The following NKAIN2 variants were observed in gnomAD, a reference collection of about 807,000 sequenced individuals.
NKAIN2 encodes sodium/potassium transporting ATPase interacting 2, also known as sodium/potassium-transporting ATPase subunit beta-1-interacting protein 2.
A neutral mutation model predicts 32.6 loss-of-function variants in NKAIN2; 14 were observed. The ratio of observed to expected loss-of-function variants is 0.43; its 90% CI spans 0.28 to 0.67. The LOEUF is 0.67. Ranked by LOEUF, NKAIN2 falls within the 30% of genes least tolerant of loss-of-function variation. NKAIN2 has a pLI of 0.17. For synonymous variants in NKAIN2, 80 were observed against 87.2 expected (o/e 0.92, Z 0.46); for missense variants, 198 against 258.3 (o/e 0.77, Z 1.60).
chr6:124,492,504 G>A lies in NKAIN2; in HGVS notation c.273+137157G>A, dbSNP rs181592082. 2.4e-3 allele frequency among the ~76,000 whole-genome samples: 361 copies of A among 151,876 alleles called. 3 individuals carry two copies. The highest frequency in any genetic ancestry group is 8.2e-3 in the African/African-American group (339 of 41,502). Reference sequence around the variant, plus strand: ...CACCTAATAAAATAGTTGTTACAGTGATTAAAATAGTGTCTCTTAGATAAT... The same window carrying A: ...CACCTAATAAAATAGTTGTTACAGTAATTAAAATAGTGTCTCTTAGATAAT... On this transcript the variant is annotated intron_variant, in intron 3 of 6. Transcript: ENST00000368417.
chr6:124,815,789 A>G (rs147768930), intron 5 of NKAIN2, among the ~76,000 whole-genome samples: 4 of 152,284 alleles, frequency 2.6e-5, no homozygotes, highest in East Asian at 1.9e-4. Flanking sequence ...TCTTTCTGCT[A>G]TGCTGCATGG....
At chr6:124,577,674 C>T (rs904975276) in intron 3 of NKAIN2, among the ~76,000 whole-genome samples, 8 of 152,034 alleles carry the variant, frequency 5.3e-5, no homozygotes, top group Non-Finnish European at 1.0e-4. Flanking sequence ...TGCTGTGCTT[C>T]GCTCACAGCC....
At chr6:123,910,999 AC>A (rs2114453982) in intron 1 of NKAIN2, among the ~76,000 whole-genome samples, 1 of 152,268 alleles carries the variant, frequency 6.6e-6, no homozygotes, top group Non-Finnish European at 1.5e-5. Flanking sequence ...ATATTATTCA[AC>A]TAAGTGCAAT....
intron 3 of NKAIN2, among the ~76,000 whole-genome samples, chr6:124,370,814 G>A (rs1799727259): frequency 6.6e-6 from 1 of 152,018 alleles, no homozygotes; most frequent in African/African-American, 2.4e-5. Context: ...CTTCTGAAGA[G>A]ATCTGTAGCT....
intron 1 of NKAIN2, among the ~76,000 whole-genome samples, chr6:123,904,919 A>G (rs958705028): frequency 1.5e-4 from 23 of 152,172 alleles, no homozygotes; most frequent in Non-Finnish European, 1.8e-4. Flanking sequence ...TCTGGGCTCA[A>G]ATGACCAATA....
chr6:124,819,416 T>A (rs1246374655), intron 6 of NKAIN2, among the ~76,000 whole-genome samples: 1 of 152,178 alleles, frequency 6.6e-6, no homozygotes, highest in African/African-American at 2.4e-5. Context: ...GTGTCACTTG[T>A]AGTTCTCTGA....
intron 1 of NKAIN2, among the ~76,000 whole-genome samples, chr6:124,185,000 T>A (rs1292296420): frequency 1.3e-5 from 2 of 152,172 alleles, no homozygotes. Flanking sequence ...ATATTCAAAT[T>A]TATGACATAC....
intron 1 of NKAIN2, among the ~76,000 whole-genome samples, chr6:124,093,772 G>A (rs181276892): frequency 8.5e-5 from 13 of 152,154 alleles, no homozygotes; most frequent in Admixed American, 2.6e-4. Context: ...AAGGGAGCCC[G>A]CTATAGCAGT....
intron 4 of NKAIN2, among the ~76,000 whole-genome samples, chr6:124,768,075 C>T (rs1778588243): frequency 6.6e-6 from 1 of 152,002 alleles, no homozygotes; most frequent in South Asian, 2.1e-4. Context: ...TCTTGAAAGA[C>T]CACTAAAAGT....
intron 3 of NKAIN2, among the ~76,000 whole-genome samples, chr6:124,385,590 T>G (rs1772862946): frequency 6.6e-6 from 1 of 152,170 alleles, no homozygotes; most frequent in African/African-American, 2.4e-5. Flanking sequence ...TCATAAATCC[T>G]TGTTTGCCCA....
chr6:124,787,311 A>C (rs1431017345), intron 4 of NKAIN2, among the ~76,000 whole-genome samples: 2 of 152,148 alleles, frequency 1.3e-5, no homozygotes, highest in African/African-American at 2.4e-5. Flanking sequence ...TGAACCCTAG[A>C]ACTTAAAATA....
intron 1 of NKAIN2, among the ~76,000 whole-genome samples, chr6:124,106,678 G>T (rs1375955240): frequency 2.6e-5 from 4 of 152,114 alleles, no homozygotes; most frequent in African/African-American, 4.8e-5. Context: ...ACTGTCCTTG[G>T]CTCTGTCTAC....
intron 1 of NKAIN2, among the ~76,000 whole-genome samples, chr6:124,242,099 A>G (rs1309195105): frequency 6.6e-6 from 1 of 152,234 alleles, no homozygotes; most frequent in Non-Finnish European, 1.5e-5. Context: ...CTATCAACAG[A>G]GTGAACATTC....
At chr6:124,410,051 A>T (rs1215074776) in intron 3 of NKAIN2, among the ~76,000 whole-genome samples, 1 of 151,888 alleles carries the variant, frequency 6.6e-6, no homozygotes, top group Non-Finnish European at 1.5e-5. Flanking sequence ...CCCCTTTGTC[A>T]TTTTTTATTG....
Position 123,804,164 on chromosome 6 carries a change from G to C in NKAIN2, c.-37G>C, listed in dbSNP as rs1194495669. 1 of 1,604,218 alleles carries C rather than the reference G, an allele frequency of 6.2e-7. No individual in the cohort carries two copies. The highest frequency in any genetic ancestry group is 1.3e-5 in the African/African-American group (1 of 74,732). ...AAGTGGGGGCTCGACGGTGGCCGAC[G>C]TGGGACAGTCTGGCTGTGGCAGGGG... On this transcript the variant is annotated 5_prime_UTR_variant, in exon 1 of 7. Transcript: ENST00000368417.
chr6:124,402,342 T>C (rs556835376), intron 3 of NKAIN2, among the ~76,000 whole-genome samples: 3 of 152,332 alleles, frequency 2.0e-5, no homozygotes, highest in Non-Finnish European at 4.4e-5. Flanking sequence ...CTTTTTTCTG[T>C]ATGCATATTT....
chr6:124,584,158 A>G (rs678064), intron 3 of NKAIN2, among the ~76,000 whole-genome samples: 109,539 of 152,022 alleles, frequency 0.72, 40,921 homozygotes, highest in Admixed American at 0.81. Context: ...CACATCAAGT[A>G]AAAAATCTTC....
intron 1 of NKAIN2, among the ~76,000 whole-genome samples, chr6:123,944,171 G>A (rs1293184836): frequency 6.6e-6 from 1 of 151,940 alleles, no homozygotes; most frequent in Non-Finnish European, 1.5e-5. Context: ...CTTCTGGAGT[G>A]CCTTTCTTAG....
intron 1 of NKAIN2, among the ~76,000 whole-genome samples, chr6:124,049,061 A>G (rs1782274876): frequency 6.6e-6 from 1 of 152,058 alleles, no homozygotes; most frequent in Admixed American, 6.6e-5. Context: ...AGCTCAGTTT[A>G]TTATAGTCAA....
Sources: allele counts gnomAD v4.1 joint callset (sites outside exome capture counted in the v4.1 genomes callset), GRCh38; gene constraint gnomAD v4.1.1; transcripts MANE v1.5; gene names NCBI Gene and HGNC (gene_info 2026-07-23, HGNC 2026-07-21).